The following LRP1 variants were observed in gnomAD, a reference collection of about 807,000 sequenced individuals.
LRP1 encodes the protein prolow-density lipoprotein receptor-related protein 1.
A neutral mutation model predicts 541.5 loss-of-function variants in LRP1; 51 were observed. The observed-to-expected ratio is 0.09, with a 90% confidence interval of 0.08 to 0.12. The LOEUF is 0.12. LRP1 is among the 10% of genes least tolerant of loss of function. The pLI, the probability that LRP1 is intolerant of heterozygous loss-of-function variation, is 1.00. For synonymous variants in LRP1, 2,219 were observed against 2,470.8 expected (o/e 0.90, Z 3.02); for missense variants, 3,878 against 6,376.2 (o/e 0.61, Z 13.34).
At chr12:57,164,611 T>A (rs2035802368) in intron 15 of LRP1, 1 of 152,120 alleles carries the variant, frequency 6.6e-6, no homozygotes, top group Non-Finnish European at 1.5e-5. Flanking sequence ...GGAAAAGTGG[T>A]TTTATTATCC....
At chr12:57,143,312 C>T (rs1373501438) in intron 3 of LRP1, among the ~76,000 whole-genome samples, 2 of 152,142 alleles carry the variant, frequency 1.3e-5, no homozygotes, top group African/African-American at 4.8e-5. Flanking sequence ...ATTGTAATCC[C>T]CAGGCAGTGT....
Position 57,154,345 on chromosome 12 carries a change from G to A in LRP1, c.979G>A (p.Gly327Ser). Reference sequence around the variant, plus strand: ...AGACCTGGAACTCTACAACCCCAAGGGCATTGCCCTGGACCCTGCCATGGG... The same window carrying A: ...AGACCTGGAACTCTACAACCCCAAGAGCATTGCCCTGGACCCTGCCATGGG... ...LLDLELYNPK[G>S]IALDPAMGKV... The change falls in exon 7 of 89, where the codon GGC becomes AGC. Residue 327 changes from glycine (G) to serine (S), a missense_variant. Physicochemically the swap from Gly to Ser is moderately conservative, Grantham distance 56. Transcript: ENST00000243077. The surrounding 1 kb of genome is among the most constrained non-coding windows in gnomAD (Gnocchi z 4.6). The A allele has an allele frequency of 6.2e-7, 1 of 1,613,748 alleles. No individual in the cohort carries two copies.
In LRP1 at chr12:57,201,544, C is replaced by T. The variant is rs375520801; in HGVS notation, c.10393C>T (p.Arg3465Trp). 5 of 1,613,968 alleles carry T rather than the reference C, an allele frequency of 3.1e-6. No individual in the cohort carries two copies. The highest frequency in any genetic ancestry group is 1.3e-5 in the African/African-American group (1 of 74,908). The stretch of plus-strand genomic sequence containing the variant: ...CCAGTTCCAGTGCTCCATTACCAAA[C>T]GGTGCATCCCCCGGGTCTGGGTCTG... Reference protein sequence around the residue: ...PNQFQCSITKRCIPRVWVCDR... With the variant: ...PNQFQCSITKWCIPRVWVCDR... Residue 3465 changes from arginine (R) to tryptophan (W), a missense_variant, in exon 66 of 89, where the codon CGG (arginine) becomes TGG (tryptophan). By Grantham distance (101) the Arg-to-Trp change is moderately radical (BLOSUM62 -3). Transcript: ENST00000243077. This position sits in a 1 kb window ranked among gnomAD's most constrained non-coding sequence, Gnocchi z 6.4.
rs752805503 is a variant in LRP1, at chr12:57,211,754, C to G, written c.13198C>G (p.Pro4400Ala). The G allele has an allele frequency of 1.2e-6, 2 of 1,613,310 alleles. No individual in the cohort carries two copies. The highest frequency in any genetic ancestry group is 1.7e-6 in the Non-Finnish European group (2 of 1,179,948). ...NSKMMPECQCPPHMTGPRCEE... is the reference protein window; with the variant it reads ...NSKMMPECQCAPHMTGPRCEE... ...CCGTGTCCCTCCTTTCTGCAGGTGCCCACCCCACATGACAGGGCCCCGGTG... is the reference window on the plus strand; with the variant it reads ...CCGTGTCCCTCCTTTCTGCAGGTGCGCACCCCACATGACAGGGCCCCGGTG... Residue 4400 changes from proline to alanine, a missense_variant, in exon 86 of 89, where the codon CCA becomes GCA. Physicochemically the swap from Pro to Ala is conservative, Grantham distance 27. This residue lies in a region of LRP1 where 871 missense variants were observed against 1,212.4 expected (regional missense o/e 0.72). Coordinates refer to ENST00000243077, the MANE Select transcript of LRP1 (RefSeq NM_002332.3). The surrounding 1 kb of genome is among the most constrained non-coding windows in gnomAD (Gnocchi z 4.3).
chr12:57,184,440 A>C lies in LRP1; in HGVS notation c.6174A>C (p.Ser2058=), dbSNP rs1474342866. The C allele has an allele frequency of 6.2e-7, 1 of 1,614,088 alleles. No individual in the cohort carries two copies. Among genetic ancestry groups the C allele is most frequent in the African/African-American group, 1.3e-5 (1 of 74,944 alleles). The part of the protein sequence containing the change: ...NVSISWPNGI[S]VDYQDGKLYW... ...GCATCAGCTGGCCCAACGGCATCTC[A>C]GTGGACTACCAGGTTCGCACGCCAA... Residue 2058 remains serine, a synonymous_variant, in exon 38 of 89, where the codon TCA becomes TCC. Transcript: ENST00000243077. The surrounding 1 kb of genome is among the most constrained non-coding windows in gnomAD (Gnocchi z 7.8).
At chr12:57,138,134 A>C (rs2035212982) in intron 1 of LRP1, among the ~76,000 whole-genome samples, 1 of 152,168 alleles carries the variant, frequency 6.6e-6, no homozygotes, top group African/African-American at 2.4e-5. Context: ...CTCTGTCATC[A>C]AAGCCAGGGG....
rs2036062725 is a variant in LRP1, at chr12:57,177,123, C to G, written c.4074C>G (p.Ile1358Met). 6.2e-7 allele frequency: 1 copy of G among 1,614,244 alleles called. No individual in the cohort carries two copies. Among genetic ancestry groups the G allele is most frequent in the Non-Finnish European group, 8.5e-7 (1 of 1,180,042 alleles). Residue 1358 changes from isoleucine to methionine, a missense_variant, in exon 25 of 89, where the codon ATC (isoleucine) becomes ATG (methionine). Around this residue, in one of 13 missense-constraint regions of LRP1, gnomAD observed 24 missense variants for 109.1 expected, o/e 0.22. Transcript: ENST00000243077. The surrounding 1 kb of genome is among the most constrained non-coding windows in gnomAD (Gnocchi z 6.8). ...GLAVDWIAGN[I>M]YWVESNLDQI... Reference sequence around the variant, plus strand: ...CTGTAGACTGGATTGCAGGCAACATCTACTGGGTGGAGAGTAACCTGGATC... The same window carrying G: ...CTGTAGACTGGATTGCAGGCAACATGTACTGGGTGGAGAGTAACCTGGATC...
intron 6 of LRP1, chr12:57,149,151 C>T: frequency 2.2e-6 from 1 of 452,484 alleles, no homozygotes. Flanking sequence ...CAGCCTCCCA[C>T]CCTGCCTACA....
At position 57,204,908 on chromosome 12, in the gene LRP1, A is replaced by G; in HGVS notation, c.11194+159A>G. The G allele has an allele frequency of 7.3e-7, 1 of 1,364,012 alleles. No individual in the cohort carries two copies. The allele number at this position is 1,364,012 out of a possible 1,614,324, so 84.5% of individuals were successfully genotyped here. On this transcript the variant is annotated intron_variant, in intron 72 of 88. Coordinates refer to ENST00000243077, the MANE Select transcript of LRP1 (RefSeq NM_002332.3). This position sits in a 1 kb window ranked among gnomAD's most constrained non-coding sequence, Gnocchi z 5.3. ...AGGAGCCTGGGGGCTTTTCGTTAGG[A>G]AAGAGAAGCCCCTGGGGAAGGCTCT...
Position 57,205,652 on chromosome 12 carries a change from G to C in LRP1, c.11565G>C (p.Lys3855Asn). 1 of 1,612,734 alleles carries C rather than the reference G, an allele frequency of 6.2e-7. No individual in the cohort carries two copies. Among genetic ancestry groups the C allele is most frequent in the Non-Finnish European group, 8.5e-7 (1 of 1,180,020 alleles). ...GCAGCTGCGCTCGGAACTTCATGAA[G>C]ACGCACAACACCTGCAAGGCCGAAG... The part of the protein sequence containing the change: ...HLCSCARNFM[K>N]THNTCKAEGS... The change falls in exon 75 of 89, where the codon AAG becomes AAC. Residue 3855 changes from lysine to asparagine, a missense_variant. Transcript: ENST00000243077. The surrounding 1 kb of genome is among the most constrained non-coding windows in gnomAD (Gnocchi z 4.6).
chr12:57,144,649 T>C (rs2035362073), intron 4 of LRP1: 1 of 320,126 alleles, frequency 3.1e-6, no homozygotes, highest in Admixed American at 4.3e-5. Flanking sequence ...TCATTTATTA[T>C]CTGAATATAA....
chr12:57,144,828 G>A, intron 4 of LRP1, 144 bp from the exon 5 acceptor site: 1 of 802,962 alleles, frequency 1.2e-6, no homozygotes. Flanking sequence ...GTTAAGGTTT[G>A]CACATTTCAT....
In LRP1 at chr12:57,183,650, C is replaced by T; in HGVS notation, c.5795-125C>T. Reference sequence around the variant, plus strand: ...TGCTACAGCTGCCACCCTGACTCCACCTCCCCTTCAAGCACCTGGCCCCTC... The same window carrying T: ...TGCTACAGCTGCCACCCTGACTCCATCTCCCCTTCAAGCACCTGGCCCCTC... On this transcript the variant is annotated intron_variant, in intron 35 of 88. Coordinates refer to ENST00000243077, the MANE Select transcript of LRP1 (RefSeq NM_002332.3). This position sits in a 1 kb window ranked among gnomAD's most constrained non-coding sequence, Gnocchi z 6.1. 6.7e-7 allele frequency: 1 copy of T among 1,489,038 alleles called. No individual in the cohort carries two copies. Among genetic ancestry groups the T allele is most frequent in the Non-Finnish European group, 9.1e-7 (1 of 1,100,396 alleles). The allele number at this position is 1,489,038 out of a possible 1,614,324, so 92.2% of individuals were successfully genotyped here. A position where few individuals can be genotyped will look rare whatever the true frequency, so the allele number is the denominator to read the frequency against.
Position 57,162,713 on chromosome 12 carries a change from G to A in LRP1, c.2405-145G>A. The A allele has an allele frequency of 9.2e-7, 1 of 1,082,816 alleles. No homozygotes were observed. 67.1% of individuals were successfully genotyped at this position (1,082,816 alleles called of 1,614,324 possible). On this transcript the variant is annotated intron_variant, in intron 14 of 88. Transcript: ENST00000243077. The surrounding 1 kb of genome is among the most constrained non-coding windows in gnomAD (Gnocchi z 5.2). ...ATTTCCCTTCCTGCCCCATGTCTGT[G>A]TCTCCTGTTCTTCAACATGATCTTC...
Position 57,156,715 on chromosome 12 carries a change from C to G in LRP1, c.1418-62C>G, listed in dbSNP as rs878915273. On this transcript the variant is annotated intron_variant, in intron 9 of 88. Coordinates refer to ENST00000243077, the MANE Select transcript of LRP1 (RefSeq NM_002332.3). The surrounding 1 kb of genome is among the most constrained non-coding windows in gnomAD (Gnocchi z 5.2). The stretch of plus-strand genomic sequence containing the variant: ...AGGGGGTGTGGTCAGATTCAGGAAG[C>G]CTTCTCAAGGCCTGGCACAGGGGCT... 15 of 1,518,848 alleles carry G rather than the reference C, an allele frequency of 9.9e-6. No homozygotes were observed. Among genetic ancestry groups the G allele is most frequent in the South Asian group, 5.0e-5 (4 of 80,770 alleles). 94.1% of individuals were successfully genotyped at this position (1,518,848 alleles called of 1,614,324 possible).
chr12:57,201,197 C>T lies in LRP1; in HGVS notation c.10345+44C>T, dbSNP rs34949484. ...GGTGGGCCGGTGGTGGGAGATGACA[C>T]GGAAGCAGGGCAGGCAGAATCTCCC... is the stretch of plus-strand genomic sequence containing the variant. On this transcript the variant is annotated intron_variant, in intron 65 of 88. Coordinates refer to ENST00000243077, the MANE Select transcript of LRP1 (RefSeq NM_002332.3). The surrounding 1 kb of genome is among the most constrained non-coding windows in gnomAD (Gnocchi z 6.4). 17,299 of 1,610,148 alleles carry T rather than the reference C, an allele frequency of 0.011. 136 individuals carry two copies. The highest frequency in any genetic ancestry group is 0.013 in the Non-Finnish European group (14,827 of 1,177,054).
chr12:57,181,144 C>T lies in LRP1; in HGVS notation c.5528-13C>T. On this transcript the variant is annotated splice_polypyrimidine_tract_variant and intron_variant, in intron 33 of 88. Transcript: ENST00000243077. ...CACCTAACCCTTTCCCTCTGCCTCC[C>T]ACCTGCCCCCAGACCATAAGGGCAC... The T allele has an allele frequency of 6.2e-7, 1 of 1,611,230 alleles. No individual in the cohort carries two copies. Among genetic ancestry groups the T allele is most frequent in the Non-Finnish European group, 8.5e-7 (1 of 1,178,644 alleles).
chr12:57,162,839 C>T lies in LRP1; in HGVS notation c.2405-19C>T. Reference sequence around the variant, plus strand: ...CACCTCTTCCTCCCTTTGCCTTTCCCCATGGCCCTTCCCCACAGTTGGCAC... The same window carrying T: ...CACCTCTTCCTCCCTTTGCCTTTCCTCATGGCCCTTCCCCACAGTTGGCAC... On this transcript the variant is annotated intron_variant, in intron 14 of 88. Coordinates refer to ENST00000243077, the MANE Select transcript of LRP1 (RefSeq NM_002332.3). The surrounding 1 kb of genome is among the most constrained non-coding windows in gnomAD (Gnocchi z 5.2). 1 of 1,599,408 alleles carries T rather than the reference C, an allele frequency of 6.3e-7. No individual in the cohort carries two copies. The highest frequency in any genetic ancestry group is 1.3e-5 in the African/African-American group (1 of 74,828).
intron 20 of LRP1, among the ~76,000 whole-genome samples, chr12:57,170,916 T>C (rs1368390593): frequency 6.6e-6 from 1 of 152,196 alleles, no homozygotes; most frequent in Non-Finnish European, 1.5e-5. Context: ...CTTATAGAGT[T>C]AGGGCACATT....
Sources: gnomAD v4.1 joint callset for allele counts (sites outside exome capture counted in the v4.1 genomes callset) on GRCh38, gnomAD v4.1.1 for gene constraint, gnomAD v4.1.1 regional missense constraint, Gnocchi (gnomAD v3.1) non-coding constraint, MANE v1.5 for transcripts, NCBI Gene and HGNC (gene_info 2026-07-23, HGNC 2026-07-21) for gene names.